The following DGKB variants were observed in gnomAD, a reference collection of about 807,000 sequenced individuals.
The protein encoded by DGKB is 90 kDa diacylglycerol kinase.
DGKB carries 67 observed loss-of-function variants against 114.3 expected under a neutral mutation model. The observed-to-expected ratio is 0.59, with a 90% confidence interval of 0.48 to 0.72. The LOEUF is 0.72. DGKB is among the 30% of genes least tolerant of loss of function. The pLI, the probability that DGKB is intolerant of heterozygous loss-of-function variation, is 0.00. For missense variants in DGKB, 907 were observed against 975.2 expected (o/e 0.93, Z 0.93); for synonymous variants, 398 against 323.1 (o/e 1.23, Z -2.49).
chr7:14,420,631 A>G (rs1192089257), intron 21 of DGKB, among the ~76,000 whole-genome samples: 1 of 152,066 alleles, frequency 6.6e-6, no homozygotes, highest in African/African-American at 2.4e-5. Context: ...TGTGATATGA[A>G]CTCAGAAGCT....
At chr7:14,273,477 T>C (rs537340550) in intron 23 of DGKB, among the ~76,000 whole-genome samples, 33 of 152,364 alleles carry the variant, frequency 2.2e-4, no homozygotes, top group African/African-American at 7.7e-4. Context: ...ATGTAGTTTA[T>C]GGATTCAGGG....
intron 23 of DGKB, among the ~76,000 whole-genome samples, chr7:14,283,326 A>G (rs1412431000): frequency 6.6e-6 from 1 of 151,412 alleles, no homozygotes; most frequent in Admixed American, 6.8e-5. Context: ...GGACCTCTTC[A>G]AGGAGAACTA....
At chr7:14,695,051 AAG>A (rs1169933903) in intron 8 of DGKB, among the ~76,000 whole-genome samples, 1 of 152,314 alleles carries the variant, frequency 6.6e-6, no homozygotes, top group African/African-American at 2.4e-5. Flanking sequence ...ATTTGGAAAA[AAG>A]AGAAATGCAG....
chr7:14,151,305 T>G (rs1164883115), intron 25 of DGKB, among the ~76,000 whole-genome samples: 1 of 152,038 alleles, frequency 6.6e-6, no homozygotes, highest in African/African-American at 2.4e-5. Context: ...AAGAAATATA[T>G]CTTCCTAGCC....
intron 17 of DGKB, among the ~76,000 whole-genome samples, chr7:14,589,708 G>T (rs1288578758): frequency 6.6e-6 from 1 of 151,876 alleles, no homozygotes; most frequent in Non-Finnish European, 1.5e-5. Context: ...ATATATTTCT[G>T]CATTATTAAT....
At chr7:14,736,328 C>T in intron 4 of DGKB, 134 bp from the exon 5 acceptor site, 1 of 591,546 alleles carries the variant, frequency 1.7e-6, no homozygotes, top group Non-Finnish European at 2.9e-6. Flanking sequence ...TGGAAAGTGC[C>T]TATTTGAGAA....
intron 23 of DGKB, among the ~76,000 whole-genome samples, chr7:14,296,854 T>C (rs190504937): frequency 1.5e-5 from 2 of 129,206 alleles, no homozygotes; most frequent in African/African-American, 6.0e-5. Flanking sequence ...ATAGACACAA[T>C]AGAAAATGAT....
intron 13 of DGKB, among the ~76,000 whole-genome samples, chr7:14,639,800 A>G (rs1811408287): frequency 6.6e-6 from 1 of 152,142 alleles, no homozygotes; most frequent in African/African-American, 2.4e-5. Flanking sequence ...TCCCTCCATA[A>G]ATCACACAAA....
At chr7:14,726,727 GCACATA>G (rs1383583593) in intron 5 of DGKB, among the ~76,000 whole-genome samples, 1 of 152,168 alleles carries the variant, frequency 6.6e-6, no homozygotes, top group Non-Finnish European at 1.5e-5. Context: ...GTGTAAACAT[GCACATA>G]TATTTGCCAA....
At chr7:14,214,090 A>G (rs1257407627) in intron 23 of DGKB, among the ~76,000 whole-genome samples, 2 of 151,958 alleles carry the variant, frequency 1.3e-5, no homozygotes, top group South Asian at 2.1e-4. Context: ...AGTAGCTGCA[A>G]TTATTTCCTA....
At chr7:14,937,043 C>T (rs1242336201) in intron 1 of DGKB, among the ~76,000 whole-genome samples, 1 of 145,250 alleles carries the variant, frequency 6.9e-6, no homozygotes, top group African/African-American at 2.6e-5. Context: ...CACACACACA[C>T]ACACACACAC....
intron 21 of DGKB, 69 bp downstream of exon 21, chr7:14,478,092 C>A: frequency 9.9e-7 from 1 of 1,007,502 alleles, no homozygotes; most frequent in Non-Finnish European, 1.5e-6. Flanking sequence ...TATTCTGTAC[C>A]ATCTAGTGAT....
In DGKB at chr7:14,286,162, T is replaced by C. The variant is rs182993447; in HGVS notation, c.2122+52353A>G. Among the ~76,000 whole-genome samples the C allele has an allele frequency of 1.9e-3, 287 of 152,116 alleles. 2 individuals are homozygous for C. Among genetic ancestry groups the C allele is most frequent in the African/African-American group, 6.4e-3 (264 of 41,504 alleles). On this transcript the variant is annotated intron_variant, in intron 23 of 25. Transcript: ENST00000402815. ...GCGGCTGTCTGTAACCATAAAGAAA[T>C]TTTAGGGAAGCCCTACATGAAATCT... is the stretch of plus-strand genomic sequence containing the variant.
chr7:14,784,054 C>G (rs1006870740), intron 2 of DGKB, among the ~76,000 whole-genome samples: 2 of 152,102 alleles, frequency 1.3e-5, no homozygotes, highest in Admixed American at 6.5e-5. Context: ...TTGAGTTTTA[C>G]TGAATGCTTT....
chr7:14,494,413 CT>C (rs1024880743), intron 20 of DGKB, among the ~76,000 whole-genome samples: 1 of 151,758 alleles, frequency 6.6e-6, no homozygotes, highest in Admixed American at 6.6e-5. Flanking sequence ...ACACTTTTTT[CT>C]GTATTGTGCT....
At chr7:14,312,820 A>C (rs765404905) in intron 23 of DGKB, among the ~76,000 whole-genome samples, 20 of 152,236 alleles carry the variant, frequency 1.3e-4, no homozygotes, top group Non-Finnish European at 2.5e-4. Context: ...CCCAATGATA[A>C]AATTCAATGT....
intron 2 of DGKB, among the ~76,000 whole-genome samples, chr7:14,831,594 G>T (rs1384097691): frequency 6.6e-6 from 1 of 151,980 alleles, no homozygotes; most frequent in Admixed American, 6.6e-5. Context: ...TAAAACTAAA[G>T]TAGGGGGACA....
chr7:14,777,712 C>A (rs1200566399), intron 2 of DGKB, among the ~76,000 whole-genome samples: 1 of 152,122 alleles, frequency 6.6e-6, no homozygotes, highest in Non-Finnish European at 1.5e-5. Context: ...TCAGGTATGT[C>A]TTTATTAGTA....
chr7:14,863,721 C>T (rs76040662), intron 1 of DGKB, among the ~76,000 whole-genome samples: 5,030 of 152,066 alleles, frequency 0.033, 289 homozygotes, highest in African/African-American at 0.11. Context: ...AGCTAATTAA[C>T]GCATCCATCA....
Sources: gnomAD v4.1 joint callset for allele counts (sites outside exome capture counted in the v4.1 genomes callset) on GRCh38, gnomAD v4.1.1 for gene constraint, MANE v1.5 for transcripts, NCBI Gene and HGNC (gene_info 2026-07-23, HGNC 2026-07-21) for gene names.